Variants in AK5 observed in about 807,000 individuals in gnomAD.
The protein encoded by AK5 is adenylate kinase 5, also known as adenylate kinase isoenzyme 5.
AK5 carries 27 observed loss-of-function variants against 69.5 expected under a neutral mutation model. The observed-to-expected ratio is 0.39, with a 90% CI of 0.29 to 0.54. The LOEUF (loss-of-function observed/expected upper bound fraction) is 0.54, where lower values mean the gene tolerates loss of function less well. Among genes scored for constraint, AK5 ranks in the 20% least tolerant of loss-of-function variants. The probability of loss-of-function intolerance (pLI) is 0.71; values close to 1 mark genes in which losing one functional copy is unlikely to be tolerated. For missense variants in AK5, 531 were observed against 700.4 expected (o/e 0.76, Z 2.73); for synonymous variants, 260 against 244.4 (o/e 1.06, Z -0.60).
intron 10 of AK5, among the ~76,000 whole-genome samples, chr1:77,506,122 T>C (rs1456826518): frequency 6.6e-6 from 1 of 152,006 alleles, no homozygotes; most frequent in Non-Finnish European, 1.5e-5. Flanking sequence ...GAAAAGCAGC[T>C]CTGGTCTGTC....
At chr1:77,355,056 A>C (rs1162230356) in intron 6 of AK5, among the ~76,000 whole-genome samples, 2 of 152,176 alleles carry the variant, frequency 1.3e-5, no homozygotes, top group Non-Finnish European at 2.9e-5. Flanking sequence ...CCAAAGCTTT[A>C]TTTAGAGTTC....
chr1:77,526,666 G>T (rs1379141629), intron 12 of AK5, among the ~76,000 whole-genome samples: 1 of 151,210 alleles, frequency 6.6e-6, no homozygotes, highest in Non-Finnish European at 1.5e-5. Flanking sequence ...TAGTAGAGAT[G>T]GGGTTTCACC....
intron 5 of AK5, among the ~76,000 whole-genome samples, chr1:77,305,491 C>G (rs1258511631): frequency 1.3e-5 from 2 of 152,034 alleles, no homozygotes; most frequent in Non-Finnish European, 2.9e-5. Context: ...AGTCTTTAAT[C>G]CATTTTTATT....
intron 8 of AK5, among the ~76,000 whole-genome samples, chr1:77,475,856 A>G (rs1654906986): frequency 6.6e-6 from 1 of 152,292 alleles, no homozygotes; most frequent in Admixed American, 6.5e-5. Context: ...CAATGGTGCT[A>G]CATTTGGCAT....
intron 2 of AK5, among the ~76,000 whole-genome samples, chr1:77,291,089 A>G (rs1473379323): frequency 6.6e-6 from 1 of 152,186 alleles, no homozygotes; most frequent in East Asian, 1.9e-4. Context: ...GTACCAGGGA[A>G]CAGAGAAGAG....
intron 10 of AK5, among the ~76,000 whole-genome samples, chr1:77,512,083 G>A (rs1034444364): frequency 6.6e-6 from 1 of 152,156 alleles, no homozygotes; most frequent in African/African-American, 2.4e-5. Flanking sequence ...GACTGGGGTG[G>A]AATAGGAATT....
At chr1:77,409,233 T>A (rs546845185) in intron 6 of AK5, among the ~76,000 whole-genome samples, 1 of 152,344 alleles carries the variant, frequency 6.6e-6, no homozygotes, top group South Asian at 2.1e-4. Context: ...TTCACGTGTA[T>A]GTGTCTTTAT....
chr1:77,311,033 ATTATTG>A (rs1451711358), intron 5 of AK5, among the ~76,000 whole-genome samples: 1 of 152,050 alleles, frequency 6.6e-6, no homozygotes, highest in Non-Finnish European at 1.5e-5. Flanking sequence ...TCTTTATAGA[ATTATTG>A]TTTGTGTTTG....
intron 12 of AK5, among the ~76,000 whole-genome samples, chr1:77,527,567 A>G (rs575932350): frequency 6.6e-6 from 1 of 152,380 alleles, no homozygotes; most frequent in African/African-American, 2.4e-5. Context: ...AACACATTTC[A>G]TTACTGAGCA....
intron 8 of AK5, among the ~76,000 whole-genome samples, chr1:77,444,742 G>T (rs1467772323): frequency 6.9e-6 from 1 of 144,372 alleles, no homozygotes; most frequent in Non-Finnish European, 1.5e-5. Context: ...GTATATATTT[G>T]ACTTTTCTGT....
intron 8 of AK5, among the ~76,000 whole-genome samples, chr1:77,450,361 A>G (rs1273796075): frequency 6.6e-6 from 1 of 152,102 alleles, no homozygotes; most frequent in Non-Finnish European, 1.5e-5. Flanking sequence ...CTGGTACCAA[A>G]TTACTGTATT....
intron 6 of AK5, among the ~76,000 whole-genome samples, chr1:77,342,612 T>A (rs1293811074): frequency 1.3e-5 from 2 of 152,176 alleles, no homozygotes; most frequent in Non-Finnish European, 2.9e-5. Flanking sequence ...CTGGGGAATA[T>A]AATTTGAAAA....
intron 13 of AK5, among the ~76,000 whole-genome samples, chr1:77,551,556 T>C (rs1045608889): frequency 1.3e-5 from 2 of 152,110 alleles, no homozygotes; most frequent in African/African-American, 4.8e-5. Flanking sequence ...GGGTTGGAAA[T>C]AGAGGTGGGC....
At chr1:77,359,293 T>G (rs903394074) in intron 6 of AK5, among the ~76,000 whole-genome samples, 3 of 151,704 alleles carry the variant, frequency 2.0e-5, no homozygotes, top group African/African-American at 7.3e-5. Context: ...CCCATTAAGA[T>G]TCTATTAATT....
In AK5 at chr1:77,550,533, T is replaced by C. The variant is rs74090643; in HGVS notation, c.1621-8069T>C. ...TCACAGAAAACAGTCAGTAAGCTGATTGTGCAGGATTGTTCTCTGTTTGCT... is the reference window on the plus strand; with the variant it reads ...TCACAGAAAACAGTCAGTAAGCTGACTGTGCAGGATTGTTCTCTGTTTGCT... On this transcript the variant is annotated intron_variant, in intron 13 of 13. Coordinates refer to ENST00000354567, the MANE Select transcript of AK5 (RefSeq NM_174858.3). 4.6e-3 allele frequency among the ~76,000 whole-genome samples: 706 copies of C among 152,332 alleles called. 5 individuals carry two copies. Among genetic ancestry groups the C allele is most frequent in the African/African-American group, 0.016 (678 of 41,576 alleles).
At chr1:77,503,580 A>G (rs1656849223) in intron 10 of AK5, among the ~76,000 whole-genome samples, 1 of 152,144 alleles carries the variant, frequency 6.6e-6, no homozygotes. Flanking sequence ...TTAAGACTGG[A>G]TAGATTTGTC....
chr1:77,410,250 T>C (rs1289808153), intron 6 of AK5, among the ~76,000 whole-genome samples: 1 of 151,954 alleles, frequency 6.6e-6, no homozygotes, highest in South Asian at 2.1e-4. Flanking sequence ...TAGTATAGTA[T>C]CTGAAATTTG....
chr1:77,475,686 C>A (rs1264425190), intron 8 of AK5, among the ~76,000 whole-genome samples: 1 of 150,998 alleles, frequency 6.6e-6, no homozygotes, highest in African/African-American at 2.4e-5. Flanking sequence ...CATTTTATTT[C>A]TGTTTTACAA....
In AK5 at chr1:77,483,507, G is replaced by T. The variant is rs1195622727; in HGVS notation, c.1102+148G>T. On this transcript the variant is annotated intron_variant, in intron 9 of 13. Transcript: ENST00000354567. ...GCATGATTAAGAGTAGAACTCTTTGGGTCTTTCCTGCCTCCATCCATGTAA... is the reference window on the plus strand; with the variant it reads ...GCATGATTAAGAGTAGAACTCTTTGTGTCTTTCCTGCCTCCATCCATGTAA... 4.4e-6 allele frequency: 3 copies of T among 676,144 alleles called. No homozygotes were observed. The African/African-American group carries it at 5.4e-5, about 12-fold the overall frequency. 41.9% of individuals were successfully genotyped at this position (676,144 alleles called of 1,614,324 possible). A position where few individuals can be genotyped will look rare whatever the true frequency, so the allele number is the denominator to read the frequency against.
Sources: gnomAD v4.1 joint callset for allele counts (sites outside exome capture counted in the v4.1 genomes callset) on GRCh38, gnomAD v4.1.1 for gene constraint, MANE v1.5 for transcripts, NCBI Gene and HGNC (gene_info 2026-07-23, HGNC 2026-07-21) for gene names.